CDC27: variants seen among roughly 807,000 people sequenced by gnomAD.
The protein encoded by CDC27 is cell division cycle 27.
Under a neutral mutation model 109.7 loss-of-function variants are expected in CDC27, and 27 were observed. The observed-to-expected ratio is 0.25, with a 90% CI of 0.18 to 0.34. CDC27 has a LOEUF of 0.34. Ranked by LOEUF, CDC27 falls within the 10% of genes least tolerant of loss-of-function variation. The pLI is 1.00. For synonymous variants in CDC27, 266 were observed against 333.9 expected (o/e 0.80, Z 2.22); for missense variants, 579 against 960.2 (o/e 0.60, Z 5.25).
intron 14 of CDC27, among the ~76,000 whole-genome samples, chr17:47,133,525 C>T (rs1336642602): frequency 2.0e-5 from 3 of 151,706 alleles, no homozygotes; most frequent in Non-Finnish European, 2.9e-5. Context: ...CCACAACCTC[C>T]GCCTCCCAGG....
Position 47,141,833 on chromosome 17 carries a change from T to A in CDC27, c.1551+20A>T. 3 of 1,514,178 alleles carry A rather than the reference T, an allele frequency of 2.0e-6. No homozygotes were observed. The highest frequency in any genetic ancestry group is 2.7e-6 in the Non-Finnish European group (3 of 1,121,544). 93.8% of individuals were successfully genotyped at this position (1,514,178 alleles called of 1,614,324 possible). ...GAAATTATCTCTAGAAAGGCATATA[T>A]AACCATTTTCTATACTTACTTGCAT... On this transcript the variant is annotated intron_variant, in intron 12 of 18. Transcript: ENST00000066544.
chr17:47,159,130 T>G (rs1241307353), intron 4 of CDC27: 1 of 313,944 alleles, frequency 3.2e-6, no homozygotes, highest in South Asian at 1.4e-4. Flanking sequence ...ATGACCAGGT[T>G]TTTATTTGTT....
chr17:47,183,930 G>A (rs568822118), intron 1 of CDC27, among the ~76,000 whole-genome samples: 3 of 152,228 alleles, frequency 2.0e-5, no homozygotes, highest in East Asian at 3.9e-4. Context: ...GAATCTCTGG[G>A]AGTCTCTATT....
chr17:47,169,694 G>A (rs1189363404), intron 4 of CDC27: 1 of 318,686 alleles, frequency 3.1e-6, no homozygotes, highest in Admixed American at 5.0e-5. Context: ...TAACATGTAT[G>A]ATCAATTGTT....
In CDC27 at chr17:47,154,654, A is replaced by G; in HGVS notation, c.957+18T>C. The G allele has an allele frequency of 7.6e-7, 1 of 1,321,318 alleles. No homozygotes were observed. The highest frequency in any genetic ancestry group is 1.1e-6 in the Non-Finnish European group (1 of 923,894). The allele number at this position is 1,321,318 out of a possible 1,614,324, so 81.8% of individuals were successfully genotyped here. A position where few individuals can be genotyped will look rare whatever the true frequency, so the allele number is the denominator to read the frequency against. ...TTGCTTTAATCAATTCCCAAACTGC[A>G]TTTTACATGGAAAATACCTTTTTTG... On this transcript the variant is annotated intron_variant, in intron 8 of 18. Transcript: ENST00000066544.
chr17:47,153,619 G>A (rs897101719), intron 8 of CDC27, among the ~76,000 whole-genome samples: 1 of 152,162 alleles, frequency 6.6e-6, no homozygotes, highest in African/African-American at 2.4e-5. Context: ...TCACATATTA[G>A]TATGACTTGT....
At position 47,143,941 on chromosome 17, in the gene CDC27, G is replaced by T; in HGVS notation, c.1112C>A (p.Pro371Gln). The change falls in exon 10 of 19, where the codon CCA becomes CAA. Residue 371 changes from proline (P) to glutamine (Q), a missense_variant. Physicochemically the swap from Pro to Gln is moderately conservative, Grantham distance 76. Coordinates refer to ENST00000066544, the MANE Select transcript of CDC27 (RefSeq NM_001256.6). ...QVLSPTITSP[P>Q]NALPRRSSRL... Reference sequence around the variant, plus strand: ...TGAACTTCTTCGAGGCAGTGCGTTTGGGGGAGATGTAATAGTGGGGCTCAA... The same window carrying T: ...TGAACTTCTTCGAGGCAGTGCGTTTTGGGGAGATGTAATAGTGGGGCTCAA... The T allele has an allele frequency of 6.7e-7, 1 of 1,493,414 alleles. No homozygotes were observed. Among genetic ancestry groups the T allele is most frequent in the Non-Finnish European group, 9.0e-7 (1 of 1,114,146 alleles). The allele number at this position is 1,493,414 out of a possible 1,614,324, so 92.5% of individuals were successfully genotyped here. A position where few individuals can be genotyped will look rare whatever the true frequency, so the allele number is the denominator to read the frequency against.
rs116052093 is a variant in CDC27 at position 47,163,329 on chromosome 17, T to C, written c.378-5026A>G. Among the ~76,000 whole-genome samples the C allele has an allele frequency of 4.2e-3, 637 of 152,320 alleles. 8 individuals carry two copies. Among genetic ancestry groups the C allele is most frequent in the African/African-American group, 0.015 (608 of 41,566 alleles). On this transcript the variant is annotated intron_variant, in intron 4 of 18. Transcript: ENST00000066544. The stretch of plus-strand genomic sequence containing the variant: ...TACTAGGTGCAATTCTGGTATATAA[T>C]GGCTAAAATGAAAAGCCAGGATTGG...
chr17:47,188,847 C>T (rs2064556053), intron 1 of CDC27: 2 of 1,286,590 alleles, frequency 1.6e-6, no homozygotes, highest in Non-Finnish European at 2.0e-6. Context: ...CTCCCACCCC[C>T]AGTCAAGCCA....
chr17:47,141,955 T>C lies in CDC27; in HGVS notation c.1449A>G (p.Glu483=), dbSNP rs201468566. ...YLALCSYNCK[E]AINILSHLPS... ...GTAGATGGCTCAAAATATTTATAGCTTCTTTGCAGTTGTATGAACACAAAG... is the reference window on the plus strand; with the variant it reads ...GTAGATGGCTCAAAATATTTATAGCCTCTTTGCAGTTGTATGAACACAAAG... Residue 483 remains glutamate, a synonymous_variant, in exon 12 of 19, where the codon GAA becomes GAG. Transcript: ENST00000066544. The C allele has an allele frequency of 8.7e-6, 14 of 1,608,850 alleles. No individual in the cohort carries two copies. Among genetic ancestry groups the C allele is most frequent in the Admixed American group, 3.4e-5 (2 of 59,536 alleles).
At chr17:47,133,028 T>TATACACACACACACACAC (rs1555783886) in intron 14 of CDC27, among the ~76,000 whole-genome samples, 1 of 29,824 alleles carries the variant, frequency 3.4e-5, no homozygotes, top group African/African-American at 1.5e-4. Flanking sequence ...TATATATATA[T>TATACACACACACACACAC]ACACACACAC....
intron 5 of CDC27, 40 bp downstream of exon 5, chr17:47,158,166 G>A (rs2035850553): frequency 1.2e-6 from 1 of 816,284 alleles, no homozygotes; most frequent in Non-Finnish European, 1.9e-6. Context: ...AAAAGAAGAG[G>A]AGATGGGAAC....
At chr17:47,132,979 G>A (rs2062400559) in intron 14 of CDC27, among the ~76,000 whole-genome samples, 2 of 102,032 alleles carry the variant, frequency 2.0e-5, no homozygotes, top group South Asian at 3.3e-4. Flanking sequence ...TTGCCATGTT[G>A]CCCAGGCGCA....
intron 4 of CDC27, chr17:47,159,931 G>A (rs967997759): frequency 1.8e-5 from 7 of 382,886 alleles, no homozygotes; most frequent in East Asian, 1.9e-4. Flanking sequence ...CACGAGCTCC[G>A]TGGCCTCGGT....
chr17:47,168,449 T>C (rs929416469), intron 4 of CDC27, among the ~76,000 whole-genome samples: 7 of 152,190 alleles, frequency 4.6e-5, no homozygotes, highest in African/African-American at 1.7e-4. Flanking sequence ...AAACTTTTGT[T>C]TACTGTTTCT....
intron 4 of CDC27, among the ~76,000 whole-genome samples, chr17:47,167,082 C>T (rs1019230822): frequency 6.6e-6 from 1 of 152,172 alleles, no homozygotes; most frequent in African/African-American, 2.4e-5. Flanking sequence ...CTCAAATTCC[C>T]CACCTCAGGT....
chr17:47,180,512 G>A (rs987387087), intron 2 of CDC27, among the ~76,000 whole-genome samples: 2 of 151,694 alleles, frequency 1.3e-5, no homozygotes, highest in Non-Finnish European at 2.9e-5. Context: ...TCCTGCCCCT[G>A]AGGTTTAGGC....
chr17:47,134,460 C>A (rs570530294), intron 14 of CDC27, among the ~76,000 whole-genome samples: 1 of 152,094 alleles, frequency 6.6e-6, no homozygotes, highest in East Asian at 1.9e-4. Context: ...AGGCATACAC[C>A]ACCATGCCTA....
chr17:47,186,475 A>G (rs1362786244), intron 1 of CDC27, among the ~76,000 whole-genome samples: 1 of 152,236 alleles, frequency 6.6e-6, no homozygotes. Flanking sequence ...AATAATTGCT[A>G]AATCTATATA....
Sources: gnomAD v4.1 joint callset for allele counts (sites outside exome capture counted in the v4.1 genomes callset) on GRCh38, gnomAD v4.1.1 for gene constraint, MANE v1.5 for transcripts, NCBI Gene and HGNC (gene_info 2026-07-23, HGNC 2026-07-21) for gene names.